The following ZNF71 variants were observed in gnomAD, a reference collection of about 807,000 sequenced individuals.
The protein encoded by ZNF71 is endothelial zinc finger protein induced by tumor necrosis factor alpha.
A neutral mutation model predicts 6.7 loss-of-function variants in ZNF71; 3 were observed. The observed-to-expected ratio is 0.45, with a 90% CI of 0.20 to 1.16. ZNF71 has a LOEUF of 1.16. Among genes scored for constraint, ZNF71 ranks in the 50% most tolerant of loss-of-function variants. The probability of loss-of-function intolerance (pLI) is 0.25; values close to 1 mark genes in which losing one functional copy is unlikely to be tolerated. For synonymous variants in ZNF71, 343 were observed against 311.1 expected (o/e 1.10, Z -1.08); for missense variants, 688 against 728.6 (o/e 0.94, Z 0.64).
At chr19:56,614,583 T>A (rs777513926) in intron 3 of ZNF71, among the ~76,000 whole-genome samples, 1 of 152,218 alleles carries the variant, frequency 6.6e-6, no homozygotes, top group Non-Finnish European at 1.5e-5. Flanking sequence ...CCTATCGATA[T>A]GTTGGAAACC....
chr19:56,622,082 C>G lies in ZNF71; in HGVS notation c.975C>G (p.Thr325=), dbSNP rs1244296742. 1.2e-6 allele frequency: 2 copies of G among 1,611,742 alleles called. No individual in the cohort carries two copies. The highest frequency in any genetic ancestry group is 1.7e-6 in the Non-Finnish European group (2 of 1,178,854). ...TCATCGTGCACCAGCGCACGCACAC[C>G]GGGGAGAAGCCGTACGTGTGCCCCG... ...MHLIVHQRTH[T]GEKPYVCPEC... is the part of the protein sequence containing the mutation. Residue 325 remains threonine (T), a synonymous_variant, in exon 4 of 4, where the codon ACC becomes ACG. Coordinates refer to ENST00000599599, the MANE Select transcript of ZNF71 (RefSeq NM_001370215.1).
chr19:56,621,394 A>C lies in ZNF71; in HGVS notation c.287A>C (p.Glu96Ala). The change falls in exon 4 of 4, where the codon GAA (glutamate) becomes GCA (alanine). Residue 96 changes from glutamate (E) to alanine (A), a missense_variant. Transcript: ENST00000599599. ...TRNGARGPGS[E>A]GVWEPGSWPE... Reference sequence around the variant, plus strand: ...AATGGTGCCAGGGGTCCTGGCTCAGAAGGAGTGTGGGAACCAGGCAGCTGG... The same window carrying C: ...AATGGTGCCAGGGGTCCTGGCTCAGCAGGAGTGTGGGAACCAGGCAGCTGG... 1 of 1,610,288 alleles carries C rather than the reference A, an allele frequency of 6.2e-7. No individual in the cohort carries two copies. The highest frequency in any genetic ancestry group is 8.5e-7 in the Non-Finnish European group (1 of 1,177,648).
At chr19:56,608,296 G>A (rs1015820600) in intron 2 of ZNF71, among the ~76,000 whole-genome samples, 1 of 151,676 alleles carries the variant, frequency 6.6e-6, no homozygotes, top group African/African-American at 2.4e-5. Context: ...CCTCCCCTCC[G>A]CCCCTGGCAG....
chr19:56,600,784 A>T (rs1357399452), intron 1 of ZNF71, among the ~76,000 whole-genome samples: 6 of 152,172 alleles, frequency 3.9e-5, no homozygotes, highest in Non-Finnish European at 5.9e-5. Flanking sequence ...GGATGTTAAG[A>T]TATCTCTCCA....
In ZNF71 at chr19:56,624,191, G is replaced by C. The variant is rs1201690140; in HGVS notation, c.*1434G>C. 6.0e-6 allele frequency: 1 copy of C among 165,358 alleles called. No homozygotes were observed. Among genetic ancestry groups the C allele is most frequent in the Non-Finnish European group, 1.5e-5 (1 of 68,120 alleles). 10.2% of individuals were successfully genotyped at this position (165,358 alleles called of 1,614,324 possible). The stretch of plus-strand genomic sequence containing the variant: ...ATAATACAGAAAAAAAATTATATCA[G>C]CAAGCACATTCTGCAAATAAGAAAA... On this transcript the variant is annotated 3_prime_UTR_variant, in exon 4 of 4. Transcript: ENST00000599599.
rs78744360 is a variant in ZNF71 at position 56,617,926 on chromosome 19, C to T, written c.161-3342C>T. 7.9e-3 allele frequency among the ~76,000 whole-genome samples: 1,197 copies of T among 152,164 alleles called. 19 individuals are homozygous for T. Among genetic ancestry groups the T allele is most frequent in the African/African-American group, 0.025 (1,051 of 41,506 alleles). ...CACAACCAAGACTCCTGGTCCTCTCCGATAGCTGCCAGCTCATATTCCAGA... is the reference window on the plus strand; with the variant it reads ...CACAACCAAGACTCCTGGTCCTCTCTGATAGCTGCCAGCTCATATTCCAGA... On this transcript the variant is annotated intron_variant, in intron 3 of 3. Coordinates refer to ENST00000599599, the MANE Select transcript of ZNF71 (RefSeq NM_001370215.1).
rs200131241 is a variant in ZNF71, at chr19:56,617,107, C to CTTTTTTTTT, written c.160+3173_160+3174insTTTTTTTTT. The stretch of plus-strand genomic sequence containing the variant: ...TAAGATTACAGGAGACTTCCATTTT[C>CTTTTTTTTT]TTTTGTTTTTTTTTGTTTTTTTTGA... On this transcript the variant is annotated intron_variant, in intron 3 of 3. Transcript: ENST00000599599. Among the ~76,000 whole-genome samples the CTTTTTTTTT allele has an allele frequency of 1.0e-3, 121 of 117,010 alleles. 1 individual carries two copies. The highest frequency in any genetic ancestry group is 3.9e-3 in the Middle Eastern group (1 of 254). The allele number at this position is 117,010 out of a possible 152,430, so 76.8% of individuals were successfully genotyped here.
rs556610801 is a variant in ZNF71 at position 56,618,237 on chromosome 19, T to G, written c.161-3031T>G. On this transcript the variant is annotated intron_variant, in intron 3 of 3. Transcript: ENST00000599599. The surrounding 1 kb of genome is among the most constrained non-coding windows in gnomAD (Gnocchi z 4.6). The stretch of plus-strand genomic sequence containing the variant: ...TGAATCCTGCTGTGCCTCAGGTGTA[T>G]TGTGCCCTCGAGTACATCTCTGACT... Among the ~76,000 whole-genome samples, 1 of 152,350 alleles carries G rather than the reference T, an allele frequency of 6.6e-6. No homozygotes were observed. The highest frequency in any genetic ancestry group is 2.1e-4 in the South Asian group (1 of 4,830).
At chr19:56,595,654 C>T (rs1003092151) in intron 1 of ZNF71, among the ~76,000 whole-genome samples, 1 of 151,978 alleles carries the variant, frequency 6.6e-6, no homozygotes, top group African/African-American at 2.4e-5. Flanking sequence ...TGCATGAACA[C>T]GAGGGCCATC....
chr19:56,599,325 C>T (rs565956469), intron 1 of ZNF71, among the ~76,000 whole-genome samples: 148 of 108,084 alleles, frequency 1.4e-3, no homozygotes, highest in African/African-American at 4.5e-3. Context: ...TGATTTGGCT[C>T]ACTGATTTTT....
chr19:56,617,196 C>T (rs773217273), intron 3 of ZNF71, among the ~76,000 whole-genome samples: 3 of 149,170 alleles, frequency 2.0e-5, no homozygotes, highest in Admixed American at 1.3e-4. Flanking sequence ...CTGCAACCTC[C>T]GCCTCCCTGG....
rs79950845 is a variant in ZNF71 at position 56,621,511 on chromosome 19, G to A, written c.404G>A (p.Cys135Tyr). Reference protein sequence around the residue: ...NKLLGGSVPACHELKAFANQG... With the variant: ...NKLLGGSVPAYHELKAFANQG... ...CTCTTAGGGGGCTCAGTACCCGCAT[G>A]TCATGAACTGAAGGCATTTGCCAAC... is the stretch of plus-strand genomic sequence containing the variant. The change falls in exon 4 of 4, where the codon TGT (cysteine) becomes TAT (tyrosine). Residue 135 changes from cysteine to tyrosine, a missense_variant. Physicochemically the swap from Cys to Tyr is radical, Grantham distance 194 (BLOSUM62 -2). Coordinates refer to ENST00000599599, the MANE Select transcript of ZNF71 (RefSeq NM_001370215.1). The A allele has an allele frequency of 3.2e-3, 5,167 of 1,614,172 alleles. 157 individuals are homozygous for A. In the African/African-American group the frequency reaches 0.06, roughly 19 times the overall value.
chr19:56,599,497 C>G (rs1390766885), intron 1 of ZNF71, among the ~76,000 whole-genome samples: 1 of 151,984 alleles, frequency 6.6e-6, no homozygotes, highest in Non-Finnish European at 1.5e-5. Flanking sequence ...AACTTTGGGG[C>G]CTGAACCCTG....
Position 56,618,420 on chromosome 19 carries a change from T to G in ZNF71, c.161-2848T>G, listed in dbSNP as rs2044814634. 6.6e-6 allele frequency among the ~76,000 whole-genome samples: 1 copy of G among 152,234 alleles called. No individual in the cohort carries two copies. Among genetic ancestry groups the G allele is most frequent in the Non-Finnish European group, 1.5e-5 (1 of 68,042 alleles). ...GTTGCCAGTGCTCCATACTCGCTTA[T>G]CTGGTACCTTCTGTGTGCAGGCTGT... On this transcript the variant is annotated intron_variant, in intron 3 of 3. Transcript: ENST00000599599. The surrounding 1 kb of genome is among the most constrained non-coding windows in gnomAD (Gnocchi z 4.6).
chr19:56,619,373 G>A (rs969324206), intron 3 of ZNF71, among the ~76,000 whole-genome samples: 4 of 152,092 alleles, frequency 2.6e-5, no homozygotes, highest in Non-Finnish European at 5.9e-5. Context: ...CTGGGAATCC[G>A]ACCTCCAGGT....
At chr19:56,610,154 G>C (rs942134174) in intron 2 of ZNF71, 3 of 152,144 alleles carry the variant, frequency 2.0e-5, no homozygotes, top group South Asian at 2.1e-4. Context: ...TACCAAGAAT[G>C]GAAGTGCTAG....
Position 56,621,622 on chromosome 19 carries a change from C to G in ZNF71, c.515C>G (p.Ser172Cys), listed in dbSNP as rs770904153. 2.5e-6 allele frequency: 4 copies of G among 1,614,076 alleles called. No individual in the cohort carries two copies. Among genetic ancestry groups the G allele is most frequent in the African/African-American group, 1.3e-5 (1 of 74,934 alleles). ...CCCGTAAGGCGTGGCAAGAACTTCT[C>G]CAGCACTTCAGACCTCAGTAAGCCC... is the stretch of plus-strand genomic sequence containing the variant. ...CPPVRRGKNF[S>C]STSDLSKPPM... The change falls in exon 4 of 4, where the codon TCC becomes TGC. Residue 172 changes from serine to cysteine, a missense_variant. Coordinates refer to ENST00000599599, the MANE Select transcript of ZNF71 (RefSeq NM_001370215.1).
chr19:56,604,907 G>A (rs2044698025), intron 2 of ZNF71, among the ~76,000 whole-genome samples: 1 of 152,188 alleles, frequency 6.6e-6, no homozygotes, highest in Admixed American at 6.5e-5. Context: ...TTGAGTGCCT[G>A]CTGTATGCTA....
At chr19:56,609,523 T>C (rs2044733745) in intron 2 of ZNF71, among the ~76,000 whole-genome samples, 3 of 151,788 alleles carry the variant, frequency 2.0e-5, no homozygotes, top group Admixed American at 2.0e-4. Context: ...GGACATTGTA[T>C]ATAAATGAGG....
Sources: gnomAD v4.1 joint callset for allele counts (sites outside exome capture counted in the v4.1 genomes callset) on GRCh38, gnomAD v4.1.1 for gene constraint, Gnocchi (gnomAD v3.1) non-coding constraint, MANE v1.5 for transcripts, NCBI Gene and HGNC (gene_info 2026-07-23, HGNC 2026-07-21) for gene names.